Variants in SPIN1 observed in about 807,000 individuals in gnomAD.
SPIN1 encodes the protein spindlin 1.
Under a neutral mutation model 26.0 loss-of-function variants are expected in SPIN1, and 3 were observed. That is an observed-to-expected ratio of 0.12 (90% CI 0.05 to 0.30). The LOEUF (loss-of-function observed/expected upper bound fraction) is 0.30. Among genes scored for constraint, SPIN1 ranks in the 10% least tolerant of loss-of-function variants. SPIN1 has a pLI of 1.00. For synonymous variants in SPIN1, 101 were observed against 116.5 expected, an observed-to-expected ratio of 0.87 and a Z score of 0.86; for missense variants, 126 against 333.4, an observed-to-expected ratio of 0.38 and a Z score of 4.84.
chr9:88,432,385 A>C (rs1034311497), intron 2 of SPIN1, among the ~76,000 whole-genome samples: 11 of 151,354 alleles, frequency 7.3e-5, no homozygotes, highest in African/African-American at 2.4e-4. Flanking sequence ...ACAGGGTTTC[A>C]CCATGTTGCC....
chr9:88,410,664 C>T (rs1827424511), intron 1 of SPIN1: 2 of 1,288,458 alleles, frequency 1.6e-6, no homozygotes, highest in Non-Finnish European at 2.2e-6. Context: ...AGTTTCCTTC[C>T]TTCGTGGGTC....
intron 1 of SPIN1, among the ~76,000 whole-genome samples, chr9:88,405,973 C>T (rs895216431): frequency 1.3e-5 from 2 of 151,478 alleles, no homozygotes; most frequent in Middle Eastern, 3.4e-3. Flanking sequence ...ATTGTGACTA[C>T]AGGCGCATGC....
chr9:88,410,366 G>A (rs987537860), intron 1 of SPIN1, among the ~76,000 whole-genome samples: 2 of 151,990 alleles, frequency 1.3e-5, no homozygotes, highest in South Asian at 2.1e-4. Flanking sequence ...TACAGTCCTC[G>A]AGTTTTTTGC....
intron 2 of SPIN1, 139 bp downstream of exon 2, chr9:88,426,730 A>G: frequency 1.8e-6 from 1 of 566,582 alleles, no homozygotes; most frequent in Admixed American, 3.6e-5. Context: ...ATATGCATAT[A>G]TTAAGAAGCA....
Position 88,410,892 on chromosome 9 carries a change from A to T in SPIN1, c.-158-15490A>T. 3 of 975,378 alleles carry T rather than the reference A, an allele frequency of 3.1e-6. No individual in the cohort carries two copies. In the Admixed American group the frequency reaches 5.1e-5, roughly 16 times the overall value. The allele number at this position is 975,378 out of a possible 1,614,324, so 60.4% of individuals were successfully genotyped here. The stretch of plus-strand genomic sequence containing the variant: ...AGAATCACTTAGCTTCTTTGGCTGG[A>T]TGAAGCACTAGCCATCTCTTGCTTT... On this transcript the variant is annotated intron_variant, in intron 1 of 5. Transcript: ENST00000375859.
intron 2 of SPIN1, among the ~76,000 whole-genome samples, chr9:88,434,157 T>C (rs1827946831): frequency 6.6e-6 from 1 of 152,100 alleles, no homozygotes; most frequent in South Asian, 2.1e-4. Context: ...CATCTGAGTC[T>C]ACACAAAGTT....
intron 1 of SPIN1, among the ~76,000 whole-genome samples, chr9:88,421,141 G>A (rs1827659544): frequency 6.6e-6 from 1 of 152,130 alleles, no homozygotes; most frequent in African/African-American, 2.4e-5. Context: ...CAGAAATTGT[G>A]AGTCTACCTC....
chr9:88,430,723 T>G (rs913564612), intron 2 of SPIN1, among the ~76,000 whole-genome samples: 6 of 152,260 alleles, frequency 3.9e-5, no homozygotes, highest in African/African-American at 1.4e-4. Context: ...TGTTGAAATT[T>G]AACTGGTTGC....
intron 2 of SPIN1, among the ~76,000 whole-genome samples, chr9:88,439,252 A>C (rs775335204): frequency 1.3e-5 from 2 of 152,142 alleles, no homozygotes; most frequent in Non-Finnish European, 2.9e-5. Flanking sequence ...TTAAGAACTT[A>C]TGTGTGAATT....
intron 1 of SPIN1, among the ~76,000 whole-genome samples, chr9:88,392,682 C>T (rs142082996): frequency 6.6e-6 from 1 of 152,134 alleles, no homozygotes; most frequent in South Asian, 2.1e-4. Context: ...TATTTTCTAT[C>T]TATCCTCCTT....
chr9:88,452,767 A>G (rs956492246), intron 3 of SPIN1, among the ~76,000 whole-genome samples: 2 of 152,228 alleles, frequency 1.3e-5, no homozygotes, highest in Admixed American at 6.5e-5. Context: ...GTTACCTGCA[A>G]AGCAGGTTTT....
intron 1 of SPIN1, among the ~76,000 whole-genome samples, chr9:88,393,086 G>A (rs1826965762): frequency 6.6e-6 from 1 of 151,636 alleles, no homozygotes; most frequent in African/African-American, 2.4e-5. Flanking sequence ...TTTAAGGCAT[G>A]GGGTATTGGT....
At chr9:88,450,236 A>T (rs1414710982) in intron 3 of SPIN1, among the ~76,000 whole-genome samples, 1 of 152,250 alleles carries the variant, frequency 6.6e-6, no homozygotes, top group African/African-American at 2.4e-5. Flanking sequence ...CATAACAATA[A>T]AAACAAATGT....
rs1216564934 is a variant in SPIN1 at position 88,458,873 on chromosome 9, A to G, written c.102-3623A>G. On this transcript the variant is annotated intron_variant, in intron 3 of 5. Coordinates refer to ENST00000375859, the MANE Select transcript of SPIN1 (RefSeq NM_006717.3). ...CCGAGGAGGCCAGTTTTTTTCTTGG[A>G]TGAGGTCCACCAACATTATGAGGGC... Among the ~76,000 whole-genome samples, 3 of 152,100 alleles carry G rather than the reference A, an allele frequency of 2.0e-5. No individual in the cohort carries two copies. The East Asian group carries it at 5.8e-4, about 29-fold the overall frequency.
At chr9:88,400,956 T>C (rs1413985038) in intron 1 of SPIN1, among the ~76,000 whole-genome samples, 1 of 151,952 alleles carries the variant, frequency 6.6e-6, no homozygotes, top group Non-Finnish European at 1.5e-5. Context: ...GAGGCTGCGG[T>C]GAGCCATGAT....
chr9:88,463,418 G>A (rs1393574029), intron 4 of SPIN1, among the ~76,000 whole-genome samples: 1 of 152,138 alleles, frequency 6.6e-6, no homozygotes, highest in Non-Finnish European at 1.5e-5. Flanking sequence ...TCTTATTACA[G>A]TGATGCTGCT....
At chr9:88,394,967 G>T (rs542433395) in intron 1 of SPIN1, among the ~76,000 whole-genome samples, 2 of 151,648 alleles carry the variant, frequency 1.3e-5, no homozygotes, top group Non-Finnish European at 2.9e-5. Context: ...CCGCCACCAC[G>T]CCCGGCTAAT....
chr9:88,442,241 A>G (rs1828149497), intron 2 of SPIN1, among the ~76,000 whole-genome samples: 1 of 151,802 alleles, frequency 6.6e-6, no homozygotes, highest in East Asian at 1.9e-4. Context: ...CTTTGAAGTA[A>G]TTCTGCAGGA....
Position 88,437,798 on chromosome 9 carries a change from C to G in SPIN1, c.53-11143C>G, listed in dbSNP as rs77679621. ...ATTTTTAAAAGTTTATTTTCCTCTC[C>G]TCATCTTGGATTTAATATTCTCTTC... On this transcript the variant is annotated intron_variant, in intron 2 of 5. Transcript: ENST00000375859. 7.3e-3 allele frequency among the ~76,000 whole-genome samples: 1,104 copies of G among 152,182 alleles called. 17 individuals carry two copies. Among genetic ancestry groups the G allele is most frequent in the African/African-American group, 0.024 (1,015 of 41,528 alleles).
Sources: allele counts gnomAD v4.1 joint callset (sites outside exome capture counted in the v4.1 genomes callset), GRCh38; gene constraint gnomAD v4.1.1; transcripts MANE v1.5; gene names NCBI Gene and HGNC (gene_info 2026-07-23, HGNC 2026-07-21).